SEMA3G: variants seen among roughly 807,000 people sequenced by gnomAD.
SEMA3G encodes the protein semaphorin 3G.
Under a neutral mutation model 86.2 loss-of-function variants are expected in SEMA3G, and 70 were observed. That is an observed-to-expected ratio of 0.81 (90% confidence interval 0.67 to 0.99). The LOEUF (loss-of-function observed/expected upper bound fraction) is 0.99, where lower values mean the gene tolerates loss of function less well. SEMA3G is among the 50% of genes least tolerant of loss of function. The probability of loss-of-function intolerance (pLI) is 0.00; values close to 1 mark genes in which losing one functional copy is unlikely to be tolerated. For missense variants in SEMA3G, 1,002 were observed against 1,072.4 expected, an observed-to-expected ratio of 0.93 and a Z score of 0.92; for synonymous variants, 416 against 441.4, an observed-to-expected ratio of 0.94 and a Z score of 0.72.
At chr3:52,443,108 C>T in intron 1 of SEMA3G, 1 of 1,449,164 alleles carries the variant, frequency 6.9e-7, no homozygotes, top group Non-Finnish European at 9.3e-7. Flanking sequence ...AGCCTCCCAC[C>T]TGGCCCAGCC....
chr3:52,435,424 C>T lies in SEMA3G; in HGVS notation c.*179G>A, dbSNP rs1243450862. 2 of 631,856 alleles carry T rather than the reference C, an allele frequency of 3.2e-6. No homozygotes were observed. The highest frequency in any genetic ancestry group is 2.8e-5 in the East Asian group (1 of 36,304). The allele number at this position is 631,856 out of a possible 1,614,324, so 39.1% of individuals were successfully genotyped here. On this transcript the variant is annotated 3_prime_UTR_variant, in exon 16 of 16. Transcript: ENST00000231721. ...TAAGAGCACAGAGAAGGGCAGGGAA[C>T]AGGCTTCAAGAACCCAGCCCCTCCA...
At chr3:52,440,224 C>T (rs1479647150) in intron 10 of SEMA3G, 126 bp from the exon 11 acceptor site, 2 of 1,118,058 alleles carry the variant, frequency 1.8e-6, no homozygotes, top group African/African-American at 1.6e-5. Flanking sequence ...TCTTCCACTA[C>T]ACCCACCCCA....
rs1005478881 is a variant in SEMA3G, at chr3:52,441,404, G to A, written c.673C>T (p.Arg225Trp). ...GGGATCCGGGCGGCCATCACAAACC[G>A]GGGGTCTGGAAGGGTGACAGGGTCA... ...DSDQSLLHDP[R>W]FVMAARIPEN... The change falls in exon 7 of 16, where the codon CGG becomes TGG. Residue 225 changes from arginine to tryptophan, a missense_variant. By Grantham distance (101) the Arg-to-Trp change is moderately radical. Transcript: ENST00000231721. The A allele has an allele frequency of 1.4e-5, 22 of 1,613,330 alleles. No individual in the cohort carries two copies. Among genetic ancestry groups the A allele is most frequent in the African/African-American group, 5.3e-5 (4 of 74,892 alleles).
chr3:52,441,241 C>T (rs757194173), intron 7 of SEMA3G, 23 bp downstream of exon 7: 1 of 1,608,846 alleles, frequency 6.2e-7, no homozygotes, highest in Non-Finnish European at 8.5e-7. Flanking sequence ...ACTTGAACCT[C>T]ACCACCCCTT....
chr3:52,441,426 G>A lies in SEMA3G; in HGVS notation c.668-17C>T, dbSNP rs748340248. The A allele has an allele frequency of 1.9e-6, 3 of 1,611,790 alleles. No homozygotes were observed. Among genetic ancestry groups the A allele is most frequent in the Non-Finnish European group, 2.5e-6 (3 of 1,178,732 alleles). ...ACCGGGGGTCTGGAAGGGTGACAGGGTCATGCTGGGTGGAGGGGCCCCACA... is the reference window on the plus strand; with the variant it reads ...ACCGGGGGTCTGGAAGGGTGACAGGATCATGCTGGGTGGAGGGGCCCCACA... On this transcript the variant is annotated splice_polypyrimidine_tract_variant and intron_variant, in intron 6 of 15. Transcript: ENST00000231721.
chr3:52,440,296 G>A lies in SEMA3G; in HGVS notation c.1143+81C>T, dbSNP rs1192787072. The A allele has an allele frequency of 3.5e-6, 5 of 1,439,908 alleles. No homozygotes were observed. The African/African-American group carries it at 7.1e-5, about 21-fold the overall frequency. 89.2% of individuals were successfully genotyped at this position (1,439,908 alleles called of 1,614,324 possible). On this transcript the variant is annotated intron_variant, in intron 10 of 15. Coordinates refer to ENST00000231721, the MANE Select transcript of SEMA3G (RefSeq NM_020163.3). Reference sequence around the variant, plus strand: ...CGTCCGCTGCCGTGGGGGTGCATGGGGACATGAGGCCACTCCAAGGAGCCC... The same window carrying A: ...CGTCCGCTGCCGTGGGGGTGCATGGAGACATGAGGCCACTCCAAGGAGCCC...
intron 15 of SEMA3G, among the ~76,000 whole-genome samples, chr3:52,436,643 T>C (rs1004225416): frequency 2.0e-5 from 3 of 152,194 alleles, no homozygotes; most frequent in Non-Finnish European, 4.4e-5. Flanking sequence ...CAGCCCAGGG[T>C]GGGCTGATCG....
At chr3:52,444,819 G>T (rs1578261043) in intron 1 of SEMA3G, 94 bp downstream of exon 1, 2 of 800,136 alleles carry the variant, frequency 2.5e-6, no homozygotes, top group African/African-American at 1.8e-5. Context: ...CCCAAACAGG[G>T]CACATGCACA....
At chr3:52,441,545 C>T in intron 6 of SEMA3G, 29 bp downstream of exon 6, 1 of 1,598,854 alleles carries the variant, frequency 6.3e-7, no homozygotes, top group Non-Finnish European at 8.6e-7. Context: ...AGCCTCTTCA[C>T]CCCTGCCAGT....
chr3:52,440,382 C>T lies in SEMA3G; in HGVS notation c.1138G>A (p.Gly380Ser). ...TGGCCCCAGCAGATACTCACCACGC[C>T]AGGGCGAGGGAAGGGCACCTTGCCC... ...YGGKVPFPRP[G>S]VCPSKMTAQP... The change falls in exon 10 of 16, where the codon GGC becomes AGC. Residue 380 changes from glycine to serine, a missense_variant. Physicochemically the swap from Gly to Ser is moderately conservative, Grantham distance 56. Coordinates refer to ENST00000231721, the MANE Select transcript of SEMA3G (RefSeq NM_020163.3). The T allele has an allele frequency of 6.2e-7, 1 of 1,602,958 alleles. No homozygotes were observed.
chr3:52,435,868 C>T lies in SEMA3G; in HGVS notation c.2084G>A (p.Arg695Gln), dbSNP rs779388206. Reference sequence around the variant, plus strand: ...GGGTGGGGTGGAAGCCAGGCCTCCCCGGGCTGGGGGCTCCTCTGGCTTTGG... The same window carrying T: ...GGGTGGGGTGGAAGCCAGGCCTCCCTGGGCTGGGGGCTCCTCTGGCTTTGG... ...PEPKPEEPPA[R>Q]GGLASTPPKA... Residue 695 changes from arginine to glutamine, a missense_variant, in exon 16 of 16, where the codon CGG becomes CAG. Coordinates refer to ENST00000231721, the MANE Select transcript of SEMA3G (RefSeq NM_020163.3). 12 of 1,613,908 alleles carry T rather than the reference C, an allele frequency of 7.4e-6. No homozygotes were observed. The highest frequency in any genetic ancestry group is 3.3e-5 in the Admixed American group (2 of 60,008).
In SEMA3G at chr3:52,444,732, ACG is replaced by A. The variant is rs1559613260; in HGVS notation, c.115+179_115+180del. Among the ~76,000 whole-genome samples, 34 of 6,694 alleles carry A rather than the reference ACG, an allele frequency of 5.1e-3. 5 individuals are homozygous for A. The East Asian group carries it at 0.15, about 30-fold the overall frequency. 4.4% of individuals were successfully genotyped at this position (6,694 alleles called of 152,430 possible). A position where few individuals can be genotyped will look rare whatever the true frequency, so the allele number is the denominator to read the frequency against. The stretch of plus-strand genomic sequence containing the variant: ...CGGCACACGCACACAAACACGGCAC[ACG>A]CAAACTCGGCACACGCACACAAACT... On this transcript the variant is annotated intron_variant, in intron 1 of 15. Transcript: ENST00000231721.
chr3:52,438,785 G>A lies in SEMA3G; in HGVS notation c.1509+135C>T, dbSNP rs533836082. On this transcript the variant is annotated intron_variant, in intron 13 of 15. Transcript: ENST00000231721. ...CCCACTGGCCACTTGTTGCAGGGGC[G>A]AATCAGGCCTGCCTCAGCACAGCTT... The A allele has an allele frequency of 1.4e-5, 21 of 1,492,892 alleles. 1 individual carries two copies. The highest frequency in any genetic ancestry group is 9.8e-5 in the South Asian group (7 of 71,528). 92.5% of individuals were successfully genotyped at this position (1,492,892 alleles called of 1,614,324 possible). A position where few individuals can be genotyped will look rare whatever the true frequency, so the allele number is the denominator to read the frequency against.
At position 52,437,642 on chromosome 3, in the gene SEMA3G, G is replaced by A. The variant is rs377552320; in HGVS notation, c.1763C>T (p.Ala588Val). 14 of 1,611,804 alleles carry A rather than the reference G, an allele frequency of 8.7e-6. No individual in the cohort carries two copies. The highest frequency in any genetic ancestry group is 1.6e-4 in the Middle Eastern group (1 of 6,080). ...QEEEAVGLVA[A>V]TMVYGTEHNS... Reference sequence around the variant, plus strand: ...GTGCTCCGTGCCGTAGACCATGGTGGCTGCCACAAGTCCCACTGCCTCTTC... The same window carrying A: ...GTGCTCCGTGCCGTAGACCATGGTGACTGCCACAAGTCCCACTGCCTCTTC... Residue 588 changes from alanine (A) to valine (V), a missense_variant, in exon 15 of 16, where the codon GCC (alanine) becomes GTC (valine). Coordinates refer to ENST00000231721, the MANE Select transcript of SEMA3G (RefSeq NM_020163.3).
chr3:52,438,982 C>T, intron 12 of SEMA3G, 21 bp from the exon 13 acceptor site: 5 of 1,612,094 alleles, frequency 3.1e-6, no homozygotes, highest in Non-Finnish European at 3.4e-6. Flanking sequence ...AGAAGGGTCT[C>T]AGTGTGGGTC....
intron 1 of SEMA3G, chr3:52,443,146 C>T (rs1460900839): frequency 8.3e-6 from 8 of 964,376 alleles, no homozygotes; most frequent in Non-Finnish European, 1.1e-5. Context: ...CCCACCCCTC[C>T]ATTCCTTAGC....
intron 1 of SEMA3G, chr3:52,443,128 G>A: frequency 8.2e-7 from 1 of 1,220,460 alleles, no homozygotes. Flanking sequence ...CTACCCTGGG[G>A]CCTACCTCCC....
At chr3:52,443,081 T>A in intron 1 of SEMA3G, 174 bp from the exon 2 acceptor site, 1 of 1,528,710 alleles carries the variant, frequency 6.5e-7, no homozygotes, top group Non-Finnish European at 8.8e-7. Context: ...TGGGGACAGG[T>A]GGGACGGGAG....
At chr3:52,441,721 G>T (rs1354968432) in intron 5 of SEMA3G, 31 bp from the exon 6 acceptor site, 1 of 1,602,558 alleles carries the variant, frequency 6.2e-7, no homozygotes, top group African/African-American at 1.3e-5. Flanking sequence ...CAGAGTCAGG[G>T]GAGGAGGCCC....
Sources: allele counts gnomAD v4.1 joint callset (sites outside exome capture counted in the v4.1 genomes callset), GRCh38; gene constraint gnomAD v4.1.1; transcripts MANE v1.5; gene names NCBI Gene and HGNC (gene_info 2026-07-23, HGNC 2026-07-21).